TMEM196: variants seen among roughly 807,000 people sequenced by gnomAD.
The protein encoded by TMEM196 is transmembrane protein 196.
A neutral mutation model predicts 20.0 loss-of-function variants in TMEM196; 17 were observed. The observed-to-expected ratio is 0.85, with a 90% CI of 0.58 to 1.27. TMEM196 has a LOEUF of 1.27. Ranked by LOEUF, TMEM196 falls within the 50% of genes most tolerant of loss-of-function variation. The probability of loss-of-function intolerance (pLI) is 0.00; values close to 1 mark genes in which losing one functional copy is unlikely to be tolerated. For missense variants in TMEM196, 267 were observed against 223.0 expected (o/e 1.20, Z -1.26); for synonymous variants, 113 against 88.9 (o/e 1.27, Z -1.52).
chr7:19,730,210 C>A (rs1429031984), intron 1 of TMEM196, among the ~76,000 whole-genome samples: 1 of 150,742 alleles, frequency 6.6e-6, no homozygotes, highest in Admixed American at 6.6e-5. Flanking sequence ...GAGCCAAGAT[C>A]GCGCCACTGC....
intron 1 of TMEM196, among the ~76,000 whole-genome samples, chr7:19,733,660 T>TA (rs369943856): frequency 6.8e-4 from 46 of 67,854 alleles, no homozygotes; most frequent in Admixed American, 1.9e-3. Context: ...GATCCTTTTT[T>TA]AAAAAAAAAA....
intron 1 of TMEM196, among the ~76,000 whole-genome samples, chr7:19,745,283 G>T (rs887599157): frequency 1.3e-5 from 2 of 152,108 alleles, no homozygotes; most frequent in East Asian, 3.9e-4. Flanking sequence ...GGTTGAATTG[G>T]TGGATGCAGA....
At chr7:19,770,570 A>T (rs1467968819) in intron 1 of TMEM196, among the ~76,000 whole-genome samples, 1 of 152,186 alleles carries the variant, frequency 6.6e-6, no homozygotes, top group East Asian at 1.9e-4. Flanking sequence ...TCTGGTGTCA[A>T]ACCCATTCAT....
At chr7:19,737,934 A>T (rs1046819485) in intron 1 of TMEM196, among the ~76,000 whole-genome samples, 1 of 152,046 alleles carries the variant, frequency 6.6e-6, no homozygotes, top group African/African-American at 2.4e-5. Flanking sequence ...GTTAAAAATT[A>T]AAAAATTAGG....
rs1784364640 is a variant in TMEM196, at chr7:19,735,466, T to C, written c.148-6028A>G. ...CTCTTCTCTGTCTCCCGCTCTTTCT[T>C]TTTCTCTCTCTCTTTCTCTTGCACT... On this transcript the variant is annotated intron_variant, in intron 1 of 4. Coordinates refer to ENST00000405844, the MANE Select transcript of TMEM196 (RefSeq NM_001363562.2). Among the ~76,000 whole-genome samples, 5 of 152,208 alleles carry C rather than the reference T, an allele frequency of 3.3e-5. No individual in the cohort carries two copies. The South Asian group carries it at 1.0e-3, about 31-fold the overall frequency.
Position 19,725,547 on chromosome 7 carries a change from A to G in TMEM196, c.426T>C (p.His142=). The change falls in exon 3 of 5, where the codon CAT becomes CAC. Residue 142 remains histidine, a synonymous_variant. Transcript: ENST00000405844. ...EQRRMFSERE[H]SLHHSHEMAE... ...CCATTTCATGAGAGTGATGCAGGGA[A>G]TGCTCCCTTTCTGAGAACATCCTCC... 6.2e-7 allele frequency: 1 copy of G among 1,613,190 alleles called. No individual in the cohort carries two copies. Among genetic ancestry groups the G allele is most frequent in the Middle Eastern group, 1.7e-4 (1 of 6,044 alleles).
chr7:19,732,572 CAAAAAAAAAAAACAA>C (rs1429204011), intron 1 of TMEM196, among the ~76,000 whole-genome samples: 1 of 51,092 alleles, frequency 2.0e-5, no homozygotes, highest in Non-Finnish European at 4.0e-5. Flanking sequence ...GACTCCATCT[CAAAAAAAAAAAACAA>C]AAAAAAAAAA....
intron 1 of TMEM196, among the ~76,000 whole-genome samples, chr7:19,749,037 A>T (rs1350105059): frequency 1.3e-5 from 2 of 152,132 alleles, no homozygotes; most frequent in African/African-American, 4.8e-5. Context: ...GAGTGGCAGG[A>T]TTATTGGCAA....
At chr7:19,728,673 T>C (rs2128015181) in intron 2 of TMEM196, among the ~76,000 whole-genome samples, 1 of 152,298 alleles carries the variant, frequency 6.6e-6, no homozygotes, top group East Asian at 1.9e-4. Flanking sequence ...CTATGTTCTT[T>C]CCCATAATAC....
intron 1 of TMEM196, among the ~76,000 whole-genome samples, chr7:19,746,587 T>A (rs1451769718): frequency 6.6e-6 from 1 of 152,252 alleles, no homozygotes; most frequent in Non-Finnish European, 1.5e-5. Flanking sequence ...GCTATATGCA[T>A]GAATTGGTTA....
intron 2 of TMEM196, among the ~76,000 whole-genome samples, chr7:19,729,089 C>T (rs1196078602): frequency 6.6e-6 from 1 of 152,084 alleles, no homozygotes. Context: ...CTGGCAGTCT[C>T]CAGATTGGAA....
chr7:19,760,312 A>G (rs1331107433), intron 1 of TMEM196, among the ~76,000 whole-genome samples: 1 of 150,602 alleles, frequency 6.6e-6, no homozygotes, highest in East Asian at 2.0e-4. Context: ...CCCACTGTTA[A>G]GAAAGTTATT....
chr7:19,742,286 C>A (rs1002073812), intron 1 of TMEM196, among the ~76,000 whole-genome samples: 2 of 152,110 alleles, frequency 1.3e-5, no homozygotes, highest in Non-Finnish European at 2.9e-5. Context: ...AGGAGAGAGG[C>A]ATCTCACTTT....
chr7:19,740,255 G>A (rs539677046), intron 1 of TMEM196, among the ~76,000 whole-genome samples: 23 of 152,224 alleles, frequency 1.5e-4, no homozygotes, highest in African/African-American at 5.3e-4. Flanking sequence ...GTAAAATTGT[G>A]TATGTAATAT....
rs1783783902 is a variant in TMEM196 at position 19,720,644 on chromosome 7, G to A, written c.*1484C>T. ...ATATATGTTGTTTTTTCACTTATAT[G>A]TGTTGTTCTTGTTTGCTATTTTAAC... On this transcript the variant is annotated 3_prime_UTR_variant, in exon 5 of 5. Coordinates refer to ENST00000405844, the MANE Select transcript of TMEM196 (RefSeq NM_001363562.2). The A allele has an allele frequency of 6.6e-6, 1 of 151,812 alleles. No individual in the cohort carries two copies. Among genetic ancestry groups the A allele is most frequent in the Non-Finnish European group, 1.5e-5 (1 of 67,806 alleles). The allele number at this position is 151,812 out of a possible 1,614,324, so 9.4% of individuals were successfully genotyped here. A position where few individuals can be genotyped will look rare whatever the true frequency, so the allele number is the denominator to read the frequency against.
intron 1 of TMEM196, among the ~76,000 whole-genome samples, chr7:19,760,574 T>C (rs1785398614): frequency 6.6e-6 from 1 of 152,070 alleles, no homozygotes; most frequent in Non-Finnish European, 1.5e-5. Context: ...TCAGCCAGGC[T>C]GGTCTCAAAC....
rs1554297886 is a variant in TMEM196, at chr7:19,729,256, G to GGTT, written c.204+125_204+126insAAC. 165 of 434,718 alleles carry GGTT rather than the reference G, an allele frequency of 3.8e-4. 1 individual carries two copies. Among genetic ancestry groups the GGTT allele is most frequent in the South Asian group, 1.1e-3 (12 of 10,750 alleles). 26.9% of individuals were successfully genotyped at this position (434,718 alleles called of 1,614,324 possible). Reference sequence around the variant, plus strand: ...CAGAAAAGGCAGGATTTATTTGTCAGTTTTTTTTTTTTTTGCCTCAAACTA... The same window carrying GGTT: ...CAGAAAAGGCAGGATTTATTTGTCAGGTTTTTTTTTTTTTTTTGCCTCAAACTA... On this transcript the variant is annotated intron_variant, in intron 2 of 4. Coordinates refer to ENST00000405844, the MANE Select transcript of TMEM196 (RefSeq NM_001363562.2).
intron 3 of TMEM196, among the ~76,000 whole-genome samples, chr7:19,725,245 T>A (rs17452423): frequency 1.3e-5 from 2 of 152,212 alleles, no homozygotes; most frequent in Non-Finnish European, 2.9e-5. Context: ...TACATAAAAA[T>A]CCATATTTAT....
chr7:19,767,515 C>G (rs1042473699), intron 1 of TMEM196, among the ~76,000 whole-genome samples: 10 of 151,986 alleles, frequency 6.6e-5, no homozygotes, highest in Non-Finnish European at 1.5e-4. Context: ...CAGAACAAAA[C>G]TATTTTTTCT....
Sources: allele counts gnomAD v4.1 joint callset (sites outside exome capture counted in the v4.1 genomes callset), GRCh38; gene constraint gnomAD v4.1.1; transcripts MANE v1.5; gene names NCBI Gene and HGNC (gene_info 2026-07-23, HGNC 2026-07-21).